Variants in SHISA9 observed in about 807,000 individuals in gnomAD.
SHISA9 encodes the protein shisa family member 9.
A neutral mutation model predicts 38.0 loss-of-function variants in SHISA9; 13 were observed. That is an observed-to-expected ratio of 0.34 (90% confidence interval 0.22 to 0.54). SHISA9 has a LOEUF of 0.54. Ranked by LOEUF, SHISA9 falls within the 20% of genes least tolerant of loss-of-function variation. SHISA9 has a pLI of 0.91. For synonymous variants in SHISA9, 275 were observed against 242.0 expected (o/e 1.14, Z -1.27); for missense variants, 538 against 575.8 (o/e 0.93, Z 0.67).
chr16:13,104,566 A>C (rs1432292508), intron 2 of SHISA9, among the ~76,000 whole-genome samples: 1 of 152,226 alleles, frequency 6.6e-6, no homozygotes, highest in Non-Finnish European at 1.5e-5. Context: ...GGTGATCCTC[A>C]ATAACAGTAT....
chr16:13,275,935 T>G, the SHISA9 span, among the ~76,000 whole-genome samples: 3 of 152,028 alleles, frequency 2.0e-5, no homozygotes, highest in Admixed American at 2.0e-4. Context: ...ATTAATTTAA[T>G]TTTTCCATAA....
intron 2 of SHISA9, among the ~76,000 whole-genome samples, chr16:12,930,028 C>T (rs1483778148): frequency 6.6e-6 from 1 of 152,100 alleles, no homozygotes; most frequent in Non-Finnish European, 1.5e-5. Context: ...TCTATTAGGT[C>T]ACTGTTTTAT....
At chr16:13,272,821 A>G in the SHISA9 span, among the ~76,000 whole-genome samples, 2 of 152,136 alleles carry the variant, frequency 1.3e-5, no homozygotes, top group Non-Finnish European at 2.9e-5. Context: ...CTTCTTTACA[A>G]TCTACCCCAT....
chr16:13,259,618 G>A, the SHISA9 span, among the ~76,000 whole-genome samples: 1 of 152,216 alleles, frequency 6.6e-6, no homozygotes, highest in South Asian at 2.1e-4. Context: ...TCTAGGCCAA[G>A]GTTCCCAAAC....
intron 2 of SHISA9, among the ~76,000 whole-genome samples, chr16:13,035,969 A>G (rs1443490724): frequency 6.6e-6 from 1 of 152,206 alleles, no homozygotes; most frequent in African/African-American, 2.4e-5. Context: ...CACCCATTAG[A>G]ATGGCTAAAA....
At chr16:12,938,574 T>C (rs192018906) in intron 2 of SHISA9, among the ~76,000 whole-genome samples, 1 of 152,264 alleles carries the variant, frequency 6.6e-6, no homozygotes, top group East Asian at 1.9e-4. Context: ...CTTGGCTTCC[T>C]GCAACCTTTG....
At chr16:13,465,110 G>A in the SHISA9 span, among the ~76,000 whole-genome samples, 4 of 152,174 alleles carry the variant, frequency 2.6e-5, no homozygotes, top group Admixed American at 2.6e-4. Context: ...GATCTATTCT[G>A]GGGGTAGGGG....
intron 2 of SHISA9, among the ~76,000 whole-genome samples, chr16:13,154,003 T>G (rs999221894): frequency 6.6e-6 from 1 of 152,120 alleles, no homozygotes; most frequent in Non-Finnish European, 1.5e-5. Context: ...TGTTCCCAGA[T>G]AAGAGCCATC....
At chr16:13,194,543 G>A (rs2050918809) in intron 2 of SHISA9, among the ~76,000 whole-genome samples, 1 of 152,194 alleles carries the variant, frequency 6.6e-6, no homozygotes, top group Admixed American at 6.5e-5. Context: ...ATGGAATAGT[G>A]TGGGGTACCT....
intron 2 of SHISA9, among the ~76,000 whole-genome samples, chr16:12,953,091 G>A (rs982422763): frequency 6.6e-6 from 1 of 151,940 alleles, no homozygotes; most frequent in Non-Finnish European, 1.5e-5. Context: ...AATAGAAGGT[G>A]ATGTGTGTGG....
chr16:13,434,188 G>A, the SHISA9 span, among the ~76,000 whole-genome samples: 1 of 152,132 alleles, frequency 6.6e-6, no homozygotes, highest in African/African-American at 2.4e-5. Context: ...GACCCAGCCA[G>A]TCTACTCTTT....
chr16:13,254,110 C>T, the SHISA9 span, among the ~76,000 whole-genome samples: 2 of 152,054 alleles, frequency 1.3e-5, no homozygotes, highest in Non-Finnish European at 2.9e-5. Flanking sequence ...CAAAGATGCC[C>T]TCTATAATAA....
intron 2 of SHISA9, among the ~76,000 whole-genome samples, chr16:13,142,726 A>T (rs917220507): frequency 6.6e-6 from 1 of 151,868 alleles, no homozygotes; most frequent in African/African-American, 2.4e-5. Context: ...TTACCATCTC[A>T]TTATTTCACA....
the SHISA9 span, among the ~76,000 whole-genome samples, chr16:13,441,837 G>T: frequency 2.6e-5 from 4 of 152,176 alleles, no homozygotes; most frequent in Non-Finnish European, 5.9e-5. Context: ...TCTGGTTTCA[G>T]ATGTGTTTTG....
At chr16:13,356,375 A>AT in the SHISA9 span, among the ~76,000 whole-genome samples, 3 of 152,168 alleles carry the variant, frequency 2.0e-5, no homozygotes, top group African/African-American at 7.2e-5. Context: ...GGATTTTTAT[A>AT]TTTGATGAAA....
the SHISA9 span, among the ~76,000 whole-genome samples, chr16:13,558,415 C>T: frequency 7.9e-5 from 12 of 152,170 alleles, no homozygotes; most frequent in African/African-American, 2.9e-4. Flanking sequence ...TCACCACCAA[C>T]TCCCAATTAG....
chr16:13,303,533 T>C, the SHISA9 span, among the ~76,000 whole-genome samples: 188 of 152,264 alleles, frequency 1.2e-3, no homozygotes, highest in African/African-American at 3.9e-3. Context: ...GAAAAACATC[T>C]AGAATAGGTA....
chr16:13,076,682 GGAAGCTGGGTGAGCTTCCT>G (rs1221459106), intron 2 of SHISA9, among the ~76,000 whole-genome samples: 2 of 152,188 alleles, frequency 1.3e-5, no homozygotes, highest in African/African-American at 4.8e-5. Flanking sequence ...AAGGCATGCT[GGAAGCTGGGTGAGCTTCCT>G]GAAGCTTCAT....
intron 1 of SHISA9, among the ~76,000 whole-genome samples, chr16:12,908,165 A>T (rs547776266): frequency 8.5e-5 from 13 of 152,054 alleles, no homozygotes; most frequent in Admixed American, 3.9e-4. Context: ...CTTATTATTG[A>T]CATTTTTTAC....
Sources: allele counts gnomAD v4.1 joint callset (sites outside exome capture counted in the v4.1 genomes callset), GRCh38; gene constraint gnomAD v4.1.1; transcripts MANE v1.5; gene names NCBI Gene and HGNC (gene_info 2026-07-23, HGNC 2026-07-21).